Variants in ZNF280D observed in about 807,000 individuals in gnomAD.
ZNF280D encodes the protein zinc finger protein 280D.
Under a neutral mutation model 94.7 loss-of-function variants are expected in ZNF280D, and 39 were observed. The ratio of observed to expected loss-of-function variants is 0.41; its 90% CI spans 0.32 to 0.54. The LOEUF is 0.54. Ranked by LOEUF, ZNF280D falls within the 20% of genes least tolerant of loss-of-function variation. The probability of loss-of-function intolerance (pLI) is 0.22; values close to 1 mark genes in which losing one functional copy is unlikely to be tolerated. For synonymous variants in ZNF280D, 398 were observed against 377.6 expected, an observed-to-expected ratio of 1.05 and a Z score of -0.63; for missense variants, 1,090 against 1,149.3, an observed-to-expected ratio of 0.95 and a Z score of 0.75.
rs1410551811 is a variant in ZNF280D at position 56,652,743 on chromosome 15, T to G, written c.2213+1455A>C. 7.1e-6 allele frequency: 7 copies of G among 985,164 alleles called. No individual in the cohort carries two copies. The African/African-American group carries it at 1.2e-4, about 17-fold the overall frequency. 61.0% of individuals were successfully genotyped at this position (985,164 alleles called of 1,614,324 possible). A position where few individuals can be genotyped will look rare whatever the true frequency, so the allele number is the denominator to read the frequency against. ...GGCTCTTAAGGTCTGCAAGTAGTAT[T>G]GCCAATTCTTTACACCTAAGAACTC... On this transcript the variant is annotated intron_variant, in intron 19 of 21. Transcript: ENST00000267807.
intron 6 of ZNF280D, among the ~76,000 whole-genome samples, chr15:56,695,866 T>C (rs1191147610): frequency 1.3e-5 from 2 of 152,104 alleles, no homozygotes; most frequent in African/African-American, 4.8e-5. Context: ...AAGTAGAATG[T>C]TCAGTGAAAA....
chr15:56,653,569 AT>A, intron 19 of ZNF280D: 1 of 1,510,730 alleles, frequency 6.6e-7, no homozygotes, highest in Non-Finnish European at 8.8e-7. Context: ...TACCCTGGAT[AT>A]TTTTTGAAAT....
At chr15:56,719,939 C>G (rs1010681041) in intron 1 of ZNF280D, among the ~76,000 whole-genome samples, 1 of 144,876 alleles carries the variant, frequency 6.9e-6, no homozygotes, top group Non-Finnish European at 1.5e-5. Flanking sequence ...TTCAGTGAGT[C>G]ATAATCTTTT....
chr15:56,732,636 A>C (rs2058950518), intron 1 of ZNF280D: 3 of 152,174 alleles, frequency 2.0e-5, no homozygotes, highest in Admixed American at 6.5e-5. Flanking sequence ...TCGCAAACAA[A>C]GGCCTTTGGC....
At chr15:56,724,527 C>T (rs1261290840) in intron 1 of ZNF280D, among the ~76,000 whole-genome samples, 4 of 152,120 alleles carry the variant, frequency 2.6e-5, no homozygotes, top group African/African-American at 7.2e-5. Flanking sequence ...AAAAGGCTGA[C>T]GGTGAAGTGA....
At chr15:56,692,519 T>C (rs2141099997) in intron 7 of ZNF280D, among the ~76,000 whole-genome samples, 1 of 152,190 alleles carries the variant, frequency 6.6e-6, no homozygotes, top group Middle Eastern at 3.4e-3. Context: ...AAGAACTTTG[T>C]TACAGTATAC....
At chr15:56,640,066 A>G (rs1410295400) in intron 20 of ZNF280D, among the ~76,000 whole-genome samples, 2 of 152,158 alleles carry the variant, frequency 1.3e-5, no homozygotes, top group Admixed American at 6.6e-5. Flanking sequence ...ACAGAAAACT[A>G]AACAAACGAG....
intron 19 of ZNF280D, among the ~76,000 whole-genome samples, chr15:56,649,139 T>C (rs1333101406): frequency 6.6e-6 from 1 of 152,110 alleles, no homozygotes; most frequent in Non-Finnish European, 1.5e-5. Context: ...AGGCAGAAGA[T>C]TTTAATGACA....
intron 9 of ZNF280D, 26 bp downstream of exon 9, chr15:56,689,015 C>G (rs765168116): frequency 2.0e-6 from 3 of 1,508,458 alleles, no homozygotes. Context: ...AAACTTTTTA[C>G]AAATTAAATT....
At chr15:56,637,649 T>C (rs1175117264) in intron 20 of ZNF280D, among the ~76,000 whole-genome samples, 2 of 152,124 alleles carry the variant, frequency 1.3e-5, no homozygotes, top group Non-Finnish European at 2.9e-5. Context: ...TTCCAAAGTA[T>C]GACATATGGA....
Position 56,677,632 on chromosome 15 carries a change from A to C in ZNF280D, c.1205T>G (p.Val402Gly). The change falls in exon 12 of 22, where the codon GTT (valine) becomes GGT (glycine). Residue 402 changes from valine to glycine, a missense_variant. Physicochemically the swap from Val to Gly is moderately radical, Grantham distance 109 (BLOSUM62 -3). This residue lies in a region of ZNF280D where 127 missense variants were observed against 208.6 expected (regional missense o/e 0.61). Coordinates refer to ENST00000267807, the MANE Select transcript of ZNF280D (RefSeq NM_017661.4). ...ICELSFETEH[V>G]LLQHMKDNHK... is the part of the protein sequence containing the mutation. ...ATTGTCCTTCATATGTTGTAAAAGA[A>C]CATGTTCTGTTTCAAATGACAATTC... is the stretch of plus-strand genomic sequence containing the variant. The C allele has an allele frequency of 6.2e-7, 1 of 1,608,084 alleles. No homozygotes were observed. Among genetic ancestry groups the C allele is most frequent in the Non-Finnish European group, 8.5e-7 (1 of 1,177,120 alleles).
intron 1 of ZNF280D, chr15:56,724,923 T>G (rs762464568): frequency 6.6e-6 from 3 of 454,792 alleles, no homozygotes; most frequent in African/African-American, 2.0e-5. Flanking sequence ...ATGTTGCATT[T>G]TGGTTATGAA....
intron 20 of ZNF280D, among the ~76,000 whole-genome samples, chr15:56,641,915 C>A (rs892326461): frequency 2.6e-5 from 4 of 151,668 alleles, no homozygotes; most frequent in Non-Finnish European, 5.9e-5. Context: ...AAAGTAAAAA[C>A]TGTAATACTG....
Position 56,630,298 on chromosome 15 carries a change from C to G in ZNF280D, c.*1200G>C. 1 of 152,026 alleles carries G rather than the reference C, an allele frequency of 6.6e-6. No homozygotes were observed. Among genetic ancestry groups the G allele is most frequent in the East Asian group, 1.9e-4 (1 of 5,206 alleles). 9.4% of individuals were successfully genotyped at this position (152,026 alleles called of 1,614,324 possible). ...AAACAAAATTTAAGAATCCAAAGCA[C>G]ATTTTAAGAAGTAAAAATGAAGCAT... On this transcript the variant is annotated 3_prime_UTR_variant, in exon 22 of 22. Transcript: ENST00000267807.
At chr15:56,712,594 C>CA (rs1171267893) in intron 1 of ZNF280D, among the ~76,000 whole-genome samples, 66,209 of 77,182 alleles carry the variant, frequency 0.86, 28,246 homozygotes, top group East Asian at 0.92. Context: ...ACCCTCATAC[C>CA]AAAAAAAAAA....
At chr15:56,713,608 G>C (rs1212652824) in intron 1 of ZNF280D, among the ~76,000 whole-genome samples, 3 of 152,094 alleles carry the variant, frequency 2.0e-5, no homozygotes, top group African/African-American at 7.2e-5. Context: ...CAGATGAATA[G>C]AGCTTAAAGG....
intron 1 of ZNF280D, among the ~76,000 whole-genome samples, chr15:56,729,296 A>AT (rs2058774606): frequency 2.0e-5 from 3 of 152,216 alleles, no homozygotes; most frequent in African/African-American, 7.2e-5. Flanking sequence ...ACTTGGCTGA[A>AT]TATCACACAG....
intron 19 of ZNF280D, among the ~76,000 whole-genome samples, chr15:56,647,980 T>C (rs1294920264): frequency 2.6e-5 from 4 of 152,242 alleles, no homozygotes; most frequent in Non-Finnish European, 5.9e-5. Flanking sequence ...AGAGATTATA[T>C]TATTCAACTA....
chr15:56,703,712 G>A (rs751708409), intron 4 of ZNF280D, among the ~76,000 whole-genome samples: 3 of 151,858 alleles, frequency 2.0e-5, no homozygotes, highest in Non-Finnish European at 2.9e-5. Context: ...AAATTAGCCA[G>A]GCATGGTAAC....
Sources: allele counts gnomAD v4.1 joint callset (sites outside exome capture counted in the v4.1 genomes callset), GRCh38; gene constraint gnomAD v4.1.1; regional missense constraint gnomAD v4.1.1; transcripts MANE v1.5; gene names NCBI Gene and HGNC (gene_info 2026-07-23, HGNC 2026-07-21).